Variants in TNIK observed in about 807,000 individuals in gnomAD.
The protein encoded by TNIK is TRAF2 and NCK-interacting protein kinase.
A neutral mutation model predicts 191.3 loss-of-function variants in TNIK; 49 were observed. The observed-to-expected ratio is 0.26, with a 90% CI of 0.20 to 0.32. The LOEUF (loss-of-function observed/expected upper bound fraction) is 0.32. Among genes scored for constraint, TNIK ranks in the 10% least tolerant of loss-of-function variants. The pLI is 1.00. For synonymous variants in TNIK, 594 were observed against 600.9 expected, an observed-to-expected ratio of 0.99 and a Z score of 0.17; for missense variants, 1,155 against 1,702.3, an observed-to-expected ratio of 0.68 and a Z score of 5.66.
At chr3:171,382,313 C>T (rs2014785) in intron 1 of TNIK, among the ~76,000 whole-genome samples, 58,875 of 150,250 alleles carry the variant, frequency 0.39, 13,281 homozygotes, top group East Asian at 0.9. Context: ...CTCCGTCTCC[C>T]GGGCTCAAGC....
At chr3:171,176,343 C>T (rs749146170) in intron 8 of TNIK, among the ~76,000 whole-genome samples, 1 of 152,034 alleles carries the variant, frequency 6.6e-6, no homozygotes, top group African/African-American at 2.4e-5. Context: ...GATGACAACC[C>T]GAAGGTAAAA....
chr3:171,242,046 A>G (rs1577224565), intron 2 of TNIK, among the ~76,000 whole-genome samples: 1 of 152,154 alleles, frequency 6.6e-6, no homozygotes, highest in Non-Finnish European at 1.5e-5. Context: ...GGATAGCATT[A>G]GGAGATACAC....
chr3:171,116,783 A>G (rs1726766255), intron 18 of TNIK, among the ~76,000 whole-genome samples: 2 of 152,276 alleles, frequency 1.3e-5, no homozygotes, highest in African/African-American at 4.8e-5. Flanking sequence ...ACATACATCA[A>G]TGTTAAGTAT....
intron 3 of TNIK, among the ~76,000 whole-genome samples, chr3:171,217,279 A>G (rs1741562238): frequency 6.6e-6 from 1 of 152,142 alleles, no homozygotes; most frequent in Admixed American, 6.6e-5. Flanking sequence ...CTATTATCCT[A>G]AAGAAATTAA....
intron 3 of TNIK, among the ~76,000 whole-genome samples, chr3:171,224,009 T>C (rs1245618238): frequency 6.6e-6 from 1 of 152,152 alleles, no homozygotes; most frequent in African/African-American, 2.4e-5. Context: ...AGCCCAGGCG[T>C]GGACTGGAGA....
At chr3:171,210,351 A>C (rs546555231) in intron 4 of TNIK, among the ~76,000 whole-genome samples, 1 of 152,340 alleles carries the variant, frequency 6.6e-6, no homozygotes, top group East Asian at 1.9e-4. Context: ...TGAAGGACTA[A>C]GTGAATAAAA....
intron 1 of TNIK, among the ~76,000 whole-genome samples, chr3:171,438,298 G>A (rs28548372): frequency 1.3e-4 from 20 of 152,178 alleles, no homozygotes; most frequent in African/African-American, 4.8e-4. Context: ...TAGGACACAG[G>A]TCTTTCCATT....
chr3:171,347,277 C>G lies in TNIK; in HGVS notation c.123+22343G>C. On this transcript the variant is annotated intron_variant, in intron 2 of 32. Coordinates refer to ENST00000436636, the MANE Select transcript of TNIK (RefSeq NM_015028.4). Reference sequence around the variant, plus strand: ...AAAACCCTAGCTCAGGCACCAAACACATAGAGCACACTCTCTTCTCTTTGA... The same window carrying G: ...AAAACCCTAGCTCAGGCACCAAACAGATAGAGCACACTCTCTTCTCTTTGA... 4 of 1,490,714 alleles carry G rather than the reference C, an allele frequency of 2.7e-6. No homozygotes were observed. In the Admixed American group the frequency reaches 8.3e-5, roughly 31 times the overall value. 92.3% of individuals were successfully genotyped at this position (1,490,714 alleles called of 1,614,324 possible).
chr3:171,351,555 T>C (rs1260677373), intron 2 of TNIK, among the ~76,000 whole-genome samples: 1 of 152,220 alleles, frequency 6.6e-6, no homozygotes, highest in Non-Finnish European at 1.5e-5. Flanking sequence ...CTCATTTTAA[T>C]ATGAAATAAC....
chr3:171,155,564 G>GGT (rs970823384), intron 12 of TNIK, among the ~76,000 whole-genome samples: 2 of 152,224 alleles, frequency 1.3e-5, no homozygotes, highest in African/African-American at 4.8e-5. Context: ...GGATTGACAG[G>GGT]GTGTGTCTCT....
chr3:171,456,265 C>T (rs1728786074), intron 1 of TNIK, among the ~76,000 whole-genome samples: 1 of 152,142 alleles, frequency 6.6e-6, no homozygotes, highest in South Asian at 2.1e-4. Context: ...GGGCTGAGCT[C>T]GCCTCATATG....
rs1163357769 is a variant in TNIK, at chr3:171,139,491, C to T, written c.1398G>A (p.Leu466=). Residue 466 remains leucine, a synonymous_variant, in exon 14 of 33, where the codon CTG becomes CTA. Coordinates refer to ENST00000436636, the MANE Select transcript of TNIK (RefSeq NM_015028.4). ...TTACCAGAAGTAGAGCTTGTTCATG[C>T]AGTAGCTGCTGCTGCAAGATCTCTA... ...RQLEILQQQL[L]HEQALLLEYK... 1.2e-6 allele frequency: 2 copies of T among 1,613,196 alleles called. No homozygotes were observed. Among genetic ancestry groups the T allele is most frequent in the Admixed American group, 3.3e-5 (2 of 59,966 alleles).
At chr3:171,402,221 C>A (rs984029651) in intron 1 of TNIK, among the ~76,000 whole-genome samples, 4 of 152,116 alleles carry the variant, frequency 2.6e-5, no homozygotes, top group Non-Finnish European at 5.9e-5. Context: ...TTTAGAAAGC[C>A]CATGTGAGGC....
chr3:171,451,713 G>A (rs888087631), intron 1 of TNIK, among the ~76,000 whole-genome samples: 60 of 152,152 alleles, frequency 3.9e-4, no homozygotes, highest in African/African-American at 1.4e-3. Flanking sequence ...ACAAGTGCAG[G>A]CTCTCTTCTC....
At chr3:171,341,850 C>T (rs905758144) in intron 2 of TNIK, among the ~76,000 whole-genome samples, 1 of 152,184 alleles carries the variant, frequency 6.6e-6, no homozygotes, top group Non-Finnish European at 1.5e-5. Context: ...TTGATCCCAA[C>T]AGAGATCTCC....
chr3:171,369,117 T>C (rs1045352566), intron 2 of TNIK, among the ~76,000 whole-genome samples: 1 of 152,168 alleles, frequency 6.6e-6, no homozygotes, highest in Non-Finnish European at 1.5e-5. Flanking sequence ...CAACTCAAGT[T>C]TAACTTTTAA....
At chr3:171,323,702 A>G (rs1433809511) in intron 2 of TNIK, among the ~76,000 whole-genome samples, 3 of 152,140 alleles carry the variant, frequency 2.0e-5, no homozygotes, top group Non-Finnish European at 4.4e-5. Context: ...CATCAGATTG[A>G]AAATTCTTTA....
intron 4 of TNIK, among the ~76,000 whole-genome samples, chr3:171,206,078 T>A (rs1025371820): frequency 6.6e-6 from 1 of 152,170 alleles, no homozygotes; most frequent in African/African-American, 2.4e-5. Context: ...GCTTCCAGCA[T>A]CCTCTGTAAT....
At chr3:171,249,135 G>A (rs1008594457) in intron 2 of TNIK, among the ~76,000 whole-genome samples, 1 of 152,148 alleles carries the variant, frequency 6.6e-6, no homozygotes, top group Non-Finnish European at 1.5e-5. Flanking sequence ...AACATTAAAA[G>A]TAACTAGCTA....
Sources: allele counts gnomAD v4.1 joint callset (sites outside exome capture counted in the v4.1 genomes callset), GRCh38; gene constraint gnomAD v4.1.1; transcripts MANE v1.5; gene names NCBI Gene and HGNC (gene_info 2026-07-23, HGNC 2026-07-21).